Variants in NEK10 observed in about 807,000 individuals in gnomAD.
NEK10 encodes the protein serine/threonine-protein kinase Nek10.
In NEK10, 122 loss-of-function variants were observed where a neutral mutation model predicts 159.8. The observed-to-expected ratio is 0.76, with a 90% CI of 0.66 to 0.89. The LOEUF (loss-of-function observed/expected upper bound fraction) is 0.89. Among genes scored for constraint, NEK10 ranks in the 40% least tolerant of loss-of-function variants. NEK10 has a pLI of 0.00. For missense variants in NEK10, 1,342 were observed against 1,323.1 expected, an observed-to-expected ratio of 1.01 and a Z score of -0.22; for synonymous variants, 466 against 457.1, an observed-to-expected ratio of 1.02 and a Z score of -0.25.
intron 29 of NEK10, among the ~76,000 whole-genome samples, chr3:27,171,176 T>C (rs1946947828): frequency 6.6e-6 from 1 of 152,198 alleles, no homozygotes; most frequent in South Asian, 2.1e-4. Flanking sequence ...AATAGTTTTG[T>C]TTCAGTCCCT....
intron 1 of NEK10, among the ~76,000 whole-genome samples, chr3:27,366,935 C>G (rs2049137432): frequency 2.0e-5 from 3 of 151,780 alleles, no homozygotes. Context: ...TTCAGCCTCC[C>G]AAGTAGCGGG....
chr3:27,337,418 A>C (rs541344674), intron 5 of NEK10, among the ~76,000 whole-genome samples: 2 of 151,422 alleles, frequency 1.3e-5, no homozygotes, highest in South Asian at 4.2e-4. Flanking sequence ...TGCAATCCCT[A>C]TCAAAAGATC....
intron 26 of NEK10, among the ~76,000 whole-genome samples, chr3:27,191,589 T>A (rs935165521): frequency 6.6e-6 from 1 of 152,220 alleles, no homozygotes; most frequent in Non-Finnish European, 1.5e-5. Flanking sequence ...GCAACATTAT[T>A]AATACCACAA....
At chr3:27,113,823 A>G (rs113333434) in intron 35 of NEK10, among the ~76,000 whole-genome samples, 25 of 152,202 alleles carry the variant, frequency 1.6e-4, no homozygotes, top group African/African-American at 5.5e-4. Context: ...TTCTTGTAAG[A>G]GCTTCCTTAA....
rs756574506 is a variant in NEK10, at chr3:27,308,989, A to G, written c.653T>C (p.Leu218Pro). 6.9e-6 allele frequency: 11 copies of G among 1,589,834 alleles called. No homozygotes were observed. Among genetic ancestry groups the G allele is most frequent in the African/African-American group, 2.7e-5 (2 of 74,476 alleles). ...SGAHKTLVNLLGARDTNVLLG... is the reference protein window; with the variant it reads ...SGAHKTLVNLPGARDTNVLLG... ...TAGAACATTAGTATCTCGGGCACCA[A>G]GTAAATTTACTAATGTCTGAAAAAT... Residue 218 changes from leucine (L) to proline (P), a missense_variant, in exon 10 of 36, where the codon CTT becomes CCT. By Grantham distance (98) the Leu-to-Pro change is moderately conservative (BLOSUM62 -3). Coordinates refer to ENST00000691995, the MANE Select transcript of NEK10 (RefSeq NM_001394966.1).
Position 27,107,131 on chromosome 3 carries a change from A to T in NEK10, c.*4141T>A, listed in dbSNP as rs532025364. Among the ~76,000 whole-genome samples, 1 of 152,296 alleles carries T rather than the reference A, an allele frequency of 6.6e-6. No individual in the cohort carries two copies. The highest frequency in any genetic ancestry group is 1.9e-4 in the East Asian group (1 of 5,190). On this transcript the variant is annotated 3_prime_UTR_variant, in exon 36 of 36. Coordinates refer to ENST00000691995, the MANE Select transcript of NEK10 (RefSeq NM_001394966.1). Reference sequence around the variant, plus strand: ...GTTACATACATGCAATAAAGCATCTAGTATACCTCACATAGCAAGTATGCA... The same window carrying T: ...GTTACATACATGCAATAAAGCATCTTGTATACCTCACATAGCAAGTATGCA...
At chr3:27,157,021 G>GCATTTGC (rs1945539228) in intron 30 of NEK10, among the ~76,000 whole-genome samples, 1 of 136,534 alleles carries the variant, frequency 7.3e-6, no homozygotes, top group South Asian at 2.4e-4. Context: ...TGAATTAACA[G>GCATTTGC]CATTTGCAGT....
At chr3:27,326,787 G>A (rs2046033031) in intron 5 of NEK10, among the ~76,000 whole-genome samples, 1 of 152,166 alleles carries the variant, frequency 6.6e-6, no homozygotes, top group Non-Finnish European at 1.5e-5. Flanking sequence ...TGGTGTCTGA[G>A]TCCTCTGGCT....
At chr3:27,365,619 T>TTTTTTTTTTTTTTTTTTTG (rs1559571627) in intron 1 of NEK10, among the ~76,000 whole-genome samples, 7 of 137,828 alleles carry the variant, frequency 5.1e-5, no homozygotes, top group East Asian at 2.1e-4. Context: ...TGTTTTTTTT[T>TTTTTTTTTTTTTTTTTTTG]TTTTTTTTTT....
At chr3:27,357,055 C>A (rs1175732106) in intron 1 of NEK10, among the ~76,000 whole-genome samples, 1 of 152,180 alleles carries the variant, frequency 6.6e-6, no homozygotes, top group Non-Finnish European at 1.5e-5. Context: ...CCTCTGACAT[C>A]CCAAGTCTGG....
chr3:27,150,478 A>C (rs1256423945), intron 30 of NEK10, among the ~76,000 whole-genome samples: 2 of 152,172 alleles, frequency 1.3e-5, no homozygotes, highest in Admixed American at 6.5e-5. Context: ...AATTGTACTA[A>C]ATCTATTCTA....
rs144306896 is a variant in NEK10 at position 27,213,727 on chromosome 3, G to T, written c.2091-11170C>A. Among the ~76,000 whole-genome samples the T allele has an allele frequency of 4.6e-5, 7 of 152,226 alleles. No homozygotes were observed. In the East Asian group the frequency reaches 1.4e-3, roughly 29 times the overall value. ...GAGGTCTTAGGACTGATCTTTGTAGGAATAAGATACCAAATTCCAACCTGA... is the reference window on the plus strand; with the variant it reads ...GAGGTCTTAGGACTGATCTTTGTAGTAATAAGATACCAAATTCCAACCTGA... On this transcript the variant is annotated intron_variant, in intron 23 of 35. Transcript: ENST00000691995.
At chr3:27,187,562 G>A (rs986865725) in intron 26 of NEK10, among the ~76,000 whole-genome samples, 2 of 152,062 alleles carry the variant, frequency 1.3e-5, no homozygotes, top group Non-Finnish European at 2.9e-5. Context: ...GGATGGAAGA[G>A]AAAATGAGGA....
chr3:27,335,806 TG>T (rs1559521345), intron 5 of NEK10, among the ~76,000 whole-genome samples: 1 of 152,102 alleles, frequency 6.6e-6, no homozygotes, highest in Admixed American at 6.6e-5. Context: ...AAAAATTTCT[TG>T]AAACAAATGA....
At chr3:27,151,853 T>A (rs1281938789) in intron 30 of NEK10, among the ~76,000 whole-genome samples, 2 of 152,052 alleles carry the variant, frequency 1.3e-5, no homozygotes, top group African/African-American at 2.4e-5. Flanking sequence ...CTTATAGAAA[T>A]GCAAAATGCT....
chr3:27,210,424 G>T (rs554896795), intron 23 of NEK10, among the ~76,000 whole-genome samples: 3 of 152,140 alleles, frequency 2.0e-5, no homozygotes, highest in East Asian at 3.9e-4. Flanking sequence ...ATGATCTAGC[G>T]ATCTCTTAAA....
intron 22 of NEK10, among the ~76,000 whole-genome samples, chr3:27,271,251 T>C (rs548429047): frequency 6.6e-6 from 1 of 152,196 alleles, no homozygotes; most frequent in Non-Finnish European, 1.5e-5. Context: ...ATATAGGACA[T>C]ATTAGAAGAC....
intron 23 of NEK10, among the ~76,000 whole-genome samples, chr3:27,213,996 G>A (rs1414572084): frequency 2.6e-5 from 4 of 152,066 alleles, no homozygotes; most frequent in Non-Finnish European, 5.9e-5. Flanking sequence ...TGCCTCTAAG[G>A]GCAGCCACCT....
intron 23 of NEK10, among the ~76,000 whole-genome samples, chr3:27,211,314 G>C (rs1243371723): frequency 1.3e-5 from 2 of 152,156 alleles, no homozygotes; most frequent in African/African-American, 2.4e-5. Context: ...TACATAGAGA[G>C]ATCTGTCACA....
Sources: allele counts gnomAD v4.1 joint callset (sites outside exome capture counted in the v4.1 genomes callset), GRCh38; gene constraint gnomAD v4.1.1; transcripts MANE v1.5; gene names NCBI Gene and HGNC (gene_info 2026-07-23, HGNC 2026-07-21).